The following CECR2 variants were observed in gnomAD, a reference collection of about 807,000 sequenced individuals.
CECR2 encodes chromatin remodeling regulator CECR2.
In CECR2, 30 loss-of-function variants were observed where a neutral mutation model predicts 154.5. That is an observed-to-expected ratio of 0.19 (90% CI 0.15 to 0.26). CECR2 has a LOEUF of 0.26. Among genes scored for constraint, CECR2 ranks in the 10% least tolerant of loss-of-function variants. The pLI is 1.00. For missense variants in CECR2, 1,743 were observed against 1,829.3 expected (o/e 0.95, Z 0.86); for synonymous variants, 725 against 683.7 (o/e 1.06, Z -0.94).
rs570569232 is a variant in CECR2 at position 17,390,680 on chromosome 22, G to A, written c.126+20771G>A. Among the ~76,000 whole-genome samples, 64 of 152,124 alleles carry A rather than the reference G, an allele frequency of 4.2e-4. 1 individual carries two copies. In the South Asian group the frequency reaches 8.7e-3, roughly 21 times the overall value. On this transcript the variant is annotated intron_variant, in intron 1 of 18. Transcript: ENST00000262608. The stretch of plus-strand genomic sequence containing the variant: ...TTGAGACAGGTCTTGGTCTGTTGCC[G>A]AAAGTGGAGTGCAGTGGCACCATCA...
chr22:17,428,567 C>G (rs1198017126), intron 1 of CECR2: 2 of 152,110 alleles, frequency 1.3e-5, no homozygotes, highest in Non-Finnish European at 2.9e-5. Flanking sequence ...ATTATTTCCC[C>G]CCATATTTCA....
intron 1 of CECR2, 141 bp downstream of exon 1, chr22:17,370,050 A>G (rs2063036367): frequency 6.6e-6 from 1 of 150,712 alleles, no homozygotes; most frequent in South Asian, 2.1e-4. Flanking sequence ...GGAGGGCGCA[A>G]AAGGGCAGGA....
intron 9 of CECR2, among the ~76,000 whole-genome samples, chr22:17,531,299 G>A (rs542114417): frequency 6.6e-6 from 1 of 152,342 alleles, no homozygotes; most frequent in South Asian, 2.1e-4. Context: ...GCACTATGAA[G>A]GCAGGCAAAC....
At chr22:17,491,587 G>GGT (rs1211004772) in intron 2 of CECR2, among the ~76,000 whole-genome samples, 2 of 120,334 alleles carry the variant, frequency 1.7e-5, no homozygotes, top group Non-Finnish European at 1.7e-5. Flanking sequence ...GTGTGTGGGG[G>GGT]GGTGGGTGTT....
chr22:17,475,894 C>T (rs569346324), intron 1 of CECR2, among the ~76,000 whole-genome samples: 27 of 152,066 alleles, frequency 1.8e-4, no homozygotes, highest in African/African-American at 6.3e-4. Flanking sequence ...CTTGGGCTAA[C>T]ATCTCCCCTC....
At chr22:17,386,033 A>C (rs2063256232) in intron 1 of CECR2, among the ~76,000 whole-genome samples, 1 of 152,186 alleles carries the variant, frequency 6.6e-6, no homozygotes, top group African/African-American at 2.4e-5. Context: ...AGCCGGAGGA[A>C]TGGGGCTCCT....
chr22:17,537,012 C>CAA (rs2056447255), intron 9 of CECR2, 91 bp from the exon 10 acceptor site: 1 of 1,481,414 alleles, frequency 6.8e-7, no homozygotes, highest in African/African-American at 1.4e-5. Context: ...CTTTGGTGGC[C>CAA]TGGTTCTTCC....
At chr22:17,551,360 T>C (rs573526035) in intron 17 of CECR2, among the ~76,000 whole-genome samples, 2 of 143,106 alleles carry the variant, frequency 1.4e-5, no homozygotes, top group Non-Finnish European at 3.1e-5. Flanking sequence ...AAGGATCCAA[T>C]GAAGGCTCAT....
intron 2 of CECR2, among the ~76,000 whole-genome samples, chr22:17,496,431 T>C (rs1396206696): frequency 1.3e-5 from 2 of 148,286 alleles, no homozygotes; most frequent in Admixed American, 6.8e-5. Flanking sequence ...ACCCGGGAGG[T>C]GGAGCTTGCA....
intron 2 of CECR2, among the ~76,000 whole-genome samples, chr22:17,492,717 G>A (rs1042204406): frequency 1.3e-5 from 2 of 152,282 alleles, no homozygotes; most frequent in African/African-American, 4.8e-5. Context: ...AGACCTTGTT[G>A]TTCTGAGAAA....
chr22:17,531,450 A>T (rs2056354132), intron 9 of CECR2, among the ~76,000 whole-genome samples: 1 of 152,204 alleles, frequency 6.6e-6, no homozygotes, highest in Admixed American at 6.6e-5. Flanking sequence ...CTTTGGTAGA[A>T]TATAAAACCA....
At position 17,556,505 on chromosome 22, in the gene CECR2, G is replaced by C. The variant is rs1413733943; in HGVS notation, c.*3665G>C. 6.6e-6 allele frequency: 1 copy of C among 151,898 alleles called. No homozygotes were observed. Among genetic ancestry groups the C allele is most frequent in the Non-Finnish European group, 1.5e-5 (1 of 68,030 alleles). The allele number at this position is 151,898 out of a possible 1,614,324, so 9.4% of individuals were successfully genotyped here. A position where few individuals can be genotyped will look rare whatever the true frequency, so the allele number is the denominator to read the frequency against. Reference sequence around the variant, plus strand: ...GCCATCCCAGGCCCACAAAATCCCAGTGTTGCAGTCACCACAGCTGTCAGA... The same window carrying C: ...GCCATCCCAGGCCCACAAAATCCCACTGTTGCAGTCACCACAGCTGTCAGA... On this transcript the variant is annotated 3_prime_UTR_variant, in exon 19 of 19. Transcript: ENST00000262608.
intron 17 of CECR2, among the ~76,000 whole-genome samples, chr22:17,551,533 A>G (rs1461901345): frequency 6.6e-6 from 1 of 151,718 alleles, no homozygotes; most frequent in Non-Finnish European, 1.5e-5. Flanking sequence ...CTCTTGTGCC[A>G]GGTGCAGTGG....
At chr22:17,552,787 T>TTTTTTTTTTTTTTTTTTTTTAA in intron 18 of CECR2, 48 bp from the exon 19 acceptor site, 1 of 1,391,200 alleles carries the variant, frequency 7.2e-7, no homozygotes, top group Non-Finnish European at 9.7e-7. Flanking sequence ...TTTTTTTTTT[T>TTTTTTTTTTTTTTTTTTTTTAA]AACAACCCAA....
At chr22:17,532,697 A>ATTTTTTTTT (rs1158636788) in intron 9 of CECR2, among the ~76,000 whole-genome samples, 2 of 29,366 alleles carry the variant, frequency 6.8e-5, no homozygotes, top group Non-Finnish European at 1.4e-4. Context: ...ATTCATTATT[A>ATTTTTTTTT]TTCTTTTTTT....
intron 1 of CECR2, among the ~76,000 whole-genome samples, chr22:17,436,957 C>T (rs901832853): frequency 1.1e-4 from 17 of 152,162 alleles, no homozygotes; most frequent in African/African-American, 4.1e-4. Flanking sequence ...AATATGAGAG[C>T]AGCACTTTCT....
chr22:17,428,305 G>C (rs62239286), intron 1 of CECR2: 22,338 of 152,090 alleles, frequency 0.15, 1,673 homozygotes, highest in South Asian at 0.19. Flanking sequence ...AATGTCTGCT[G>C]TCTCTGAGAT....
At chr22:17,506,730 C>T (rs573369057) in intron 7 of CECR2, among the ~76,000 whole-genome samples, 8 of 152,156 alleles carry the variant, frequency 5.3e-5, no homozygotes, top group Non-Finnish European at 7.4e-5. Flanking sequence ...CTTGGCCCCC[C>T]GCAGCCTCCA....
At chr22:17,534,674 A>AT (rs1177461343) in intron 9 of CECR2, 115 of 139,208 alleles carry the variant, frequency 8.3e-4, no homozygotes, top group Non-Finnish European at 1.5e-3. Context: ...CGCCTGGCTA[A>AT]TTTTTTTTTC....
Sources: gnomAD v4.1 joint callset for allele counts (sites outside exome capture counted in the v4.1 genomes callset) on GRCh38, gnomAD v4.1.1 for gene constraint, MANE v1.5 for transcripts, NCBI Gene and HGNC (gene_info 2026-07-23, HGNC 2026-07-21) for gene names.